Variants in NCAN observed in about 807,000 individuals in gnomAD.
The protein encoded by NCAN is neurocan, also known as neurocan core protein.
NCAN carries 47 observed loss-of-function variants against 121.8 expected under a neutral mutation model. The ratio of observed to expected loss-of-function variants is 0.39; its 90% CI spans 0.31 to 0.49. The LOEUF (loss-of-function observed/expected upper bound fraction) is 0.49, where lower values mean the gene tolerates loss of function less well. Ranked by LOEUF, NCAN falls within the 20% of genes least tolerant of loss-of-function variation. NCAN has a pLI of 0.92. For missense variants in NCAN, 1,517 were observed against 1,773.4 expected (o/e 0.86, Z 2.60); for synonymous variants, 633 against 702.0 (o/e 0.90, Z 1.55).
rs370512552 is a variant in NCAN at position 19,219,197 on chromosome 19, G to A, written c.356G>A (p.Arg119His). 74 of 1,611,344 alleles carry A rather than the reference G, an allele frequency of 4.6e-5. No individual in the cohort carries two copies. Among genetic ancestry groups the A allele is most frequent in the Non-Finnish European group, 5.9e-5 (70 of 1,179,986 alleles). ...GTGTCACTGCCTTCCTACCCCCGGC[G>A]CCGAGCCAACGCCACGCTACTTCTG... ...GRVSLPSYPRRRANATLLLGP... is the reference protein window; with the variant it reads ...GRVSLPSYPRHRANATLLLGP... The change falls in exon 3 of 15, where the codon CGC becomes CAC. Residue 119 changes from arginine to histidine, a missense_variant. Coordinates refer to ENST00000252575, the MANE Select transcript of NCAN (RefSeq NM_004386.3).
chr19:19,224,950 C>G (rs967421989), intron 5 of NCAN, 27 bp from the exon 6 acceptor site: 10 of 1,386,914 alleles, frequency 7.2e-6, no homozygotes, highest in Admixed American at 6.7e-5. Context: ...CCCCAGCCCC[C>G]CTGACCTCCA....
intron 8 of NCAN, among the ~76,000 whole-genome samples, chr19:19,230,716 TTTTTTTTTTTTTTCC>T (rs1315766491): frequency 5.4e-3 from 149 of 27,494 alleles, no homozygotes; most frequent in Non-Finnish European, 5.9e-3. Flanking sequence ...GGGTGGGATC[TTTTTTTTTTTTTTCC>T]TTTTTTTTTT....
intron 8 of NCAN, among the ~76,000 whole-genome samples, chr19:19,231,985 A>AAG (rs2060861723): frequency 6.6e-6 from 1 of 151,926 alleles, no homozygotes; most frequent in Non-Finnish European, 1.5e-5. Context: ...ATCTCAAAAA[A>AAG]AAAAATTAAT....
intron 1 of NCAN, among the ~76,000 whole-genome samples, chr19:19,213,960 A>G (rs909220468): frequency 2.0e-5 from 3 of 152,126 alleles, no homozygotes; most frequent in African/African-American, 7.2e-5. Flanking sequence ...TCAGACTCAC[A>G]CACATCCACA....
At position 19,228,301 on chromosome 19, in the gene NCAN, G is replaced by A. The variant is rs764737391; in HGVS notation, c.2681G>A (p.Ser894Asn). 1 of 1,613,986 alleles carries A rather than the reference G, an allele frequency of 6.2e-7. No homozygotes were observed. Among genetic ancestry groups the A allele is most frequent in the Non-Finnish European group, 8.5e-7 (1 of 1,180,024 alleles). ...GCCATGTCTACACTGGGCTCCTCAA[G>A]CTCCCAACCCCACCCAGAGCCAGAG... The part of the protein sequence containing the change: ...VPAMSTLGSS[S>N]SQPHPEPEDQ... Residue 894 changes from serine (S) to asparagine (N), a missense_variant, in exon 8 of 15, where the codon AGC (serine) becomes AAC (asparagine). Transcript: ENST00000252575.
Position 19,216,961 on chromosome 19 carries a change from C to T in NCAN, c.8C>T (p.Ala3Val). Residue 3 changes from alanine (A) to valine (V), a missense_variant, in exon 2 of 15, where the codon GCC (alanine) becomes GTC (valine). Coordinates refer to ENST00000252575, the MANE Select transcript of NCAN (RefSeq NM_004386.3). ...TTTTGTTCCAGATCCAGGATGGGGG[C>T]CCCGTTTGTCTGGGCCTTGGGCCTT... MG[A>V]PFVWALGLLM... The T allele has an allele frequency of 7.6e-7, 1 of 1,311,920 alleles. No homozygotes were observed. Among genetic ancestry groups the T allele is most frequent in the Non-Finnish European group, 9.8e-7 (1 of 1,021,030 alleles). 81.3% of individuals were successfully genotyped at this position (1,311,920 alleles called of 1,614,324 possible). A position where few individuals can be genotyped will look rare whatever the true frequency, so the allele number is the denominator to read the frequency against.
In NCAN at chr19:19,219,203, C is replaced by A. The variant is rs1249413339; in HGVS notation, c.362C>A (p.Ala121Asp). ...CTGCCTTCCTACCCCCGGCGCCGAG[C>A]CAACGCCACGCTACTTCTGGGGCCA... Reference protein sequence around the residue: ...VSLPSYPRRRANATLLLGPLR... With the variant: ...VSLPSYPRRRDNATLLLGPLR... The change falls in exon 3 of 15, where the codon GCC (alanine) becomes GAC (aspartate). Residue 121 changes from alanine (A) to aspartate (D), a missense_variant. Coordinates refer to ENST00000252575, the MANE Select transcript of NCAN (RefSeq NM_004386.3). 1.2e-6 allele frequency: 2 copies of A among 1,610,708 alleles called. No homozygotes were observed. The highest frequency in any genetic ancestry group is 1.7e-6 in the Non-Finnish European group (2 of 1,179,938).
rs772526077 is a variant in NCAN, at chr19:19,228,551, C to T, written c.2931C>T (p.Ser977=). ...TCGAACTGGAGGTCCTGGCAGGGAG[C>T]CCGGGTGTAGAGAGCTTCTGGGAGG... ...EDFELEVLAG[S]PGVESFWEEV... is the part of the protein sequence containing the mutation. Residue 977 remains serine, a synonymous_variant, in exon 8 of 15, where the codon AGC becomes AGT. Coordinates refer to ENST00000252575, the MANE Select transcript of NCAN (RefSeq NM_004386.3). 2 of 1,613,048 alleles carry T rather than the reference C, an allele frequency of 1.2e-6. No homozygotes were observed. Among genetic ancestry groups the T allele is most frequent in the South Asian group, 2.2e-5 (2 of 91,080 alleles).
chr19:19,217,936 G>A (rs1390777241), intron 2 of NCAN, among the ~76,000 whole-genome samples: 2 of 151,986 alleles, frequency 1.3e-5, no homozygotes, highest in South Asian at 4.2e-4. Flanking sequence ...GCAGTGAGCC[G>A]AGATCATGCC....
chr19:19,238,514 G>T (rs746692493), intron 11 of NCAN, 103 bp downstream of exon 11: 13 of 1,401,282 alleles, frequency 9.3e-6, no homozygotes, highest in Non-Finnish European at 1.2e-5. Context: ...TTTTCAAGAC[G>T]TCATCTTTCC....
chr19:19,234,950 A>C (rs1385561597), intron 9 of NCAN, 33 bp from the exon 10 acceptor site: 1 of 1,440,424 alleles, frequency 6.9e-7, no homozygotes, highest in Non-Finnish European at 9.7e-7. Context: ...GGGGAAGCTG[A>C]CCTCTAACTC....
At chr19:19,217,096 C>A in intron 2 of NCAN, 70 bp downstream of exon 2, 1 of 1,119,976 alleles carries the variant, frequency 8.9e-7, no homozygotes, top group Non-Finnish European at 1.2e-6. Context: ...CTTTTGAATT[C>A]CAGAGCCTTC....
In NCAN at chr19:19,250,518, G is replaced by A; in HGVS notation, c.*607G>A. 1 of 254,276 alleles carries A rather than the reference G, an allele frequency of 3.9e-6. No individual in the cohort carries two copies. The highest frequency in any genetic ancestry group is 1.0e-4 in the East Asian group (1 of 9,830). The allele number at this position is 254,276 out of a possible 1,614,324, so 15.8% of individuals were successfully genotyped here. On this transcript the variant is annotated 3_prime_UTR_variant, in exon 15 of 15. Coordinates refer to ENST00000252575, the MANE Select transcript of NCAN (RefSeq NM_004386.3). The stretch of plus-strand genomic sequence containing the variant: ...GTACTGCATTTTAGGGATGTTTTTA[G>A]GACAACCTCCCTCCATGCCTTCAGA...
At chr19:19,241,986 G>T (rs1158170196) in intron 12 of NCAN, among the ~76,000 whole-genome samples, 1 of 152,076 alleles carries the variant, frequency 6.6e-6, no homozygotes, top group Non-Finnish European at 1.5e-5. Flanking sequence ...CTTGAGGTCA[G>T]GAGTTCCAGA....
chr19:19,214,984 G>T (rs559620610), intron 1 of NCAN, among the ~76,000 whole-genome samples: 1 of 152,272 alleles, frequency 6.6e-6, no homozygotes, highest in Non-Finnish European at 1.5e-5. Context: ...GGGAGCACTG[G>T]TCCAGGGTCT....
At chr19:19,241,714 C>T (rs962076939) in intron 12 of NCAN, among the ~76,000 whole-genome samples, 4 of 151,780 alleles carry the variant, frequency 2.6e-5, no homozygotes, top group African/African-American at 9.7e-5. Flanking sequence ...CATAGAGTTA[C>T]CACATGACCC....
chr19:19,225,622 C>G lies in NCAN; in HGVS notation c.1072+352C>G, dbSNP rs1227845136. ...AGAGCCACGCCCATACGCAGAAACA[C>G]CCCCGTGGAAGAGATAATGCCTCAA... On this transcript the variant is annotated intron_variant, in intron 6 of 14. Coordinates refer to ENST00000252575, the MANE Select transcript of NCAN (RefSeq NM_004386.3). This position sits in a 1 kb window ranked among gnomAD's most constrained non-coding sequence, Gnocchi z 4.0. Among the ~76,000 whole-genome samples the G allele has an allele frequency of 1.3e-5, 2 of 152,210 alleles. No individual in the cohort carries two copies. Among genetic ancestry groups the G allele is most frequent in the Non-Finnish European group, 2.9e-5 (2 of 68,036 alleles).
intron 3 of NCAN, among the ~76,000 whole-genome samples, chr19:19,221,787 G>A (rs1189533619): frequency 6.6e-6 from 1 of 152,038 alleles, no homozygotes; most frequent in Non-Finnish European, 1.5e-5. Context: ...CTTGTCAGGA[G>A]GCTGAGGTGG....
At chr19:19,226,419 A>G (rs1340212141) in intron 6 of NCAN, 67 bp from the exon 7 acceptor site, 5 of 1,218,932 alleles carry the variant, frequency 4.1e-6, no homozygotes, top group Non-Finnish European at 5.8e-6. Context: ...GAAAGTGGGT[A>G]GACTTCAAGC....
Sources: gnomAD v4.1 joint callset for allele counts (sites outside exome capture counted in the v4.1 genomes callset) on GRCh38, gnomAD v4.1.1 for gene constraint, Gnocchi (gnomAD v3.1) non-coding constraint, MANE v1.5 for transcripts, NCBI Gene and HGNC (gene_info 2026-07-23, HGNC 2026-07-21) for gene names.